KIR2DL1: variants seen among roughly 807,000 people sequenced by gnomAD.
KIR2DL1 encodes the protein killer cell immunoglobulin like receptor, two Ig domains and long cytoplasmic tail 1.
KIR2DL1 carries 38 observed loss-of-function variants against 33.9 expected under a neutral mutation model. The ratio of observed to expected loss-of-function variants is 1.12; its 90% CI spans 0.86 to 1.47. The LOEUF is 1.47. Among genes scored for constraint, KIR2DL1 ranks in the 40% most tolerant of loss-of-function variants. KIR2DL1 has a pLI of 0.00. For missense variants in KIR2DL1, 531 were observed against 433.9 expected (o/e 1.22, Z -1.99); for synonymous variants, 179 against 165.9 (o/e 1.08, Z -0.61).
intron 2 of KIR2DL1, among the ~76,000 whole-genome samples, chr19:54,771,776 C>T (rs932952423): frequency 6.8e-6 from 1 of 148,050 alleles, no homozygotes; most frequent in African/African-American, 2.5e-5. Flanking sequence ...CTGGAACAGC[C>T]TTTTCATGGG....
rs145950245 is a variant in KIR2DL1, at chr19:54,783,669, A to C, written c.903A>C (p.Thr301=). ...DSDEQDPQEV[T]YTQLNHCVFT... is the part of the protein sequence containing the mutation. The stretch of plus-strand genomic sequence containing the variant: ...ATGAACAAGACCCTCAGGAGGTGAC[A>C]TACACACAGTTGAATCACTGCGTTT... The change falls in exon 8 of 8, where the codon ACA becomes ACC. Residue 301 remains threonine (T), a synonymous_variant. Transcript: ENST00000336077. 6.2e-7 allele frequency: 1 copy of C among 1,614,012 alleles called. No individual in the cohort carries two copies. The highest frequency in any genetic ancestry group is 8.5e-7 in the Non-Finnish European group (1 of 1,179,958).
intron 5 of KIR2DL1, chr19:54,780,160 T>G (rs1487841506): frequency 1.9e-6 from 1 of 519,692 alleles, no homozygotes. Flanking sequence ...CGTCTCAGCA[T>G]GCCAAAGTAA....
rs1338633510 is a variant in KIR2DL1, at chr19:54,778,670, C to T, written c.715+8C>T. ...AACCAAGCTCCAAAACCGGTGAGTA[C>T]AGAACCCTCTTATATCCGCTTTTGG... On this transcript the variant is annotated splice_region_variant and intron_variant, in intron 5 of 7. Coordinates refer to ENST00000336077, the MANE Select transcript of KIR2DL1 (RefSeq NM_014218.3). 7 of 1,535,236 alleles carry T rather than the reference C, an allele frequency of 4.6e-6. 1 individual carries two copies. The highest frequency in any genetic ancestry group is 1.8e-4 in the Middle Eastern group (1 of 5,698).
chr19:54,783,745 A>T lies in KIR2DL1; in HGVS notation c.979A>T (p.Thr327Ser), dbSNP rs779801630. ...RPSQRPKTPPTDIIVYTELPN... is the reference protein window; with the variant it reads ...RPSQRPKTPPSDIIVYTELPN... ...TTCTCAGAGGCCCAAGACACCCCCA[A>T]CAGATATCATCGTGTACACGGAACT... Residue 327 changes from threonine (T) to serine (S), a missense_variant, in exon 8 of 8, where the codon ACA becomes TCA. Physicochemically the swap from Thr to Ser is moderately conservative, Grantham distance 58 (BLOSUM62 1). Transcript: ENST00000336077. The T allele has an allele frequency of 6.2e-7, 1 of 1,613,884 alleles. No individual in the cohort carries two copies. The highest frequency in any genetic ancestry group is 8.5e-7 in the Non-Finnish European group (1 of 1,179,978).
At chr19:54,778,130 C>T (rs1045833633) in intron 4 of KIR2DL1, among the ~76,000 whole-genome samples, 2 of 147,628 alleles carry the variant, frequency 1.4e-5, no homozygotes, top group African/African-American at 5.0e-5. Flanking sequence ...GCATGGTGGT[C>T]AGCACCTGTA....
At chr19:54,780,587 G>T (rs2076826754) in intron 5 of KIR2DL1, among the ~76,000 whole-genome samples, 1 of 144,584 alleles carries the variant, frequency 6.9e-6, no homozygotes. Context: ...TGAAAATAAG[G>T]GAGGCCCAGG....
At chr19:54,776,341 TC>T (rs2076338468) in intron 4 of KIR2DL1, among the ~76,000 whole-genome samples, 2 of 147,092 alleles carry the variant, frequency 1.4e-5, no homozygotes, top group African/African-American at 2.5e-5. Context: ...ACCTTTTAGC[TC>T]CTGTATATGG....
At chr19:54,780,699 A>G (rs2076841303) in intron 5 of KIR2DL1, among the ~76,000 whole-genome samples, 1 of 141,860 alleles carries the variant, frequency 7.0e-6, no homozygotes, top group Non-Finnish European at 1.6e-5. Flanking sequence ...AGATGGATAT[A>G]AGATATGTTT....
intron 3 of KIR2DL1, among the ~76,000 whole-genome samples, chr19:54,774,153 A>G (rs1441232168): frequency 6.7e-6 from 1 of 148,710 alleles, no homozygotes; most frequent in Admixed American, 6.8e-5. Context: ...CAACCCCTGT[A>G]TGCTGTGTGA....
intron 4 of KIR2DL1, among the ~76,000 whole-genome samples, chr19:54,775,919 T>C (rs1413948788): frequency 7.0e-6 from 1 of 143,720 alleles, no homozygotes; most frequent in East Asian, 2.0e-4. Flanking sequence ...TGAGGTGGAG[T>C]CTAGCTCTGT....
rs754673501 is a variant in KIR2DL1, at chr19:54,769,933, G to T, written c.34+49G>T. On this transcript the variant is annotated intron_variant, in intron 1 of 7. Coordinates refer to ENST00000336077, the MANE Select transcript of KIR2DL1 (RefSeq NM_014218.3). ...GGAGGGAGTGAGGGGATGGAGATCT[G>T]GGCCCAGAGGTGGAGATATAGGCCT... 13 of 1,553,852 alleles carry T rather than the reference G, an allele frequency of 8.4e-6. 1 individual carries two copies. The highest frequency in any genetic ancestry group is 1.1e-5 in the Non-Finnish European group (13 of 1,133,170).
In KIR2DL1 at chr19:54,783,654, C is replaced by G; in HGVS notation, c.888C>G (p.Asp296Glu). Residue 296 changes from aspartate to glutamate, a missense_variant, in exon 8 of 8, where the codon GAC (aspartate) becomes GAG (glutamate). Physicochemically the swap from Asp to Glu is conservative, Grantham distance 45. Coordinates refer to ENST00000336077, the MANE Select transcript of KIR2DL1 (RefSeq NM_014218.3). ...CTCTCCAGGACTCTGATGAACAAGA[C>G]CCTCAGGAGGTGACATACACACAGT... ...TANSEDSDEQ[D>E]PQEVTYTQLN... 1 of 1,614,020 alleles carries G rather than the reference C, an allele frequency of 6.2e-7. No homozygotes were observed. The highest frequency in any genetic ancestry group is 1.1e-5 in the South Asian group (1 of 91,078).
Position 54,775,342 on chromosome 19 carries a change from C to A in KIR2DL1, c.548C>A (p.Ala183Asp), listed in dbSNP as rs746485880. 1.9e-6 allele frequency: 3 copies of A among 1,582,410 alleles called. No individual in the cohort carries two copies. The highest frequency in any genetic ancestry group is 2.6e-6 in the Non-Finnish European group (3 of 1,154,378). Reference sequence around the variant, plus strand: ...CCCAAGGTCAACGGAACATTCCAGGCTGACTTTCCTCTGGGCCCTGCCACC... The same window carrying A: ...CCCAAGGTCAACGGAACATTCCAGGATGACTTTCCTCTGGGCCCTGCCACC... ...AGPKVNGTFQADFPLGPATHG... is the reference protein window; with the variant it reads ...AGPKVNGTFQDDFPLGPATHG... The change falls in exon 4 of 8, where the codon GCT becomes GAT. Residue 183 changes from alanine (A) to aspartate (D), a missense_variant. Coordinates refer to ENST00000336077, the MANE Select transcript of KIR2DL1 (RefSeq NM_014218.3).
intron 4 of KIR2DL1, among the ~76,000 whole-genome samples, chr19:54,777,696 T>C (rs1243969844): frequency 6.8e-6 from 1 of 146,708 alleles, no homozygotes; most frequent in African/African-American, 2.5e-5. Flanking sequence ...TGGTCTATTT[T>C]TGCTTCGATT....
In KIR2DL1 at chr19:54,769,899, GCA is replaced by G. The variant is rs770410642; in HGVS notation, c.34+16_34+17del. ...GGCGTGTGTTGGTGAGTCCTGGAAA[GCA>G]ATAGAGGGAGGGAGTGAGGGGATGG... On this transcript the variant is annotated intron_variant, in intron 1 of 7. Coordinates refer to ENST00000336077, the MANE Select transcript of KIR2DL1 (RefSeq NM_014218.3). The G allele has an allele frequency of 3.5e-5, 55 of 1,565,006 alleles. 2 individuals are homozygous for G. In the South Asian group the frequency reaches 5.7e-4, roughly 16 times the overall value.
chr19:54,782,037 G>A (rs1473799248), intron 5 of KIR2DL1, among the ~76,000 whole-genome samples: 1 of 151,976 alleles, frequency 6.6e-6, no homozygotes, highest in African/African-American at 2.4e-5. Context: ...GATAAGCAGC[G>A]AGTGACAACA....
At chr19:54,776,666 G>A (rs2076382521) in intron 4 of KIR2DL1, among the ~76,000 whole-genome samples, 1 of 132,214 alleles carries the variant, frequency 7.6e-6, no homozygotes, top group Non-Finnish European at 1.7e-5. Context: ...TTGAGAAAGA[G>A]TTTCCCTCCT....
chr19:54,779,484 C>T (rs2147575868), intron 5 of KIR2DL1, among the ~76,000 whole-genome samples: 1 of 146,454 alleles, frequency 6.8e-6, no homozygotes, highest in African/African-American at 2.5e-5. Context: ...GTGCCTTCTT[C>T]CTTACCACAC....
intron 4 of KIR2DL1, 94 bp from the exon 5 acceptor site, chr19:54,778,518 A>C: frequency 8.1e-7 from 1 of 1,240,306 alleles, no homozygotes; most frequent in Non-Finnish European, 1.1e-6. Flanking sequence ...ATATTAGATA[A>C]GAGAGTGTTG....
Sources: allele counts gnomAD v4.1 joint callset (sites outside exome capture counted in the v4.1 genomes callset), GRCh38; gene constraint gnomAD v4.1.1; transcripts MANE v1.5; gene names NCBI Gene and HGNC (gene_info 2026-07-23, HGNC 2026-07-21).